The following SPTY2D1 variants were observed in gnomAD, a reference collection of about 807,000 sequenced individuals.
SPTY2D1 encodes the protein protein SPT2 homolog.
A neutral mutation model predicts 64.0 loss-of-function variants in SPTY2D1; 21 were observed. That is an observed-to-expected ratio of 0.33 (90% CI 0.23 to 0.47). The LOEUF (loss-of-function observed/expected upper bound fraction) is 0.47. Ranked by LOEUF, SPTY2D1 falls within the 20% of genes least tolerant of loss-of-function variation. The pLI is 1.00. For synonymous variants in SPTY2D1, 287 were observed against 286.8 expected (o/e 1.00, Z -0.01); for missense variants, 724 against 837.2 (o/e 0.86, Z 1.67).
In SPTY2D1 at chr11:18,615,217, G is replaced by A. The variant is rs1854276172; in HGVS notation, c.1057C>T (p.Pro353Ser). 7 of 1,614,238 alleles carry A rather than the reference G, an allele frequency of 4.3e-6. No individual in the cohort carries two copies. The East Asian group carries it at 6.7e-5, about 15-fold the overall frequency. Reference sequence around the variant, plus strand: ...TTGTGTGGGGTGACCATGGGCCCAGGCCTGGAATGGCTAGGATGGGACAGA... The same window carrying A: ...TTGTGTGGGGTGACCATGGGCCCAGACCTGGAATGGCTAGGATGGGACAGA... The part of the protein sequence containing the change: ...KSLSHPSHSR[P>S]GPMVTPHNKA... The change falls in exon 3 of 6, where the codon CCT becomes TCT. Residue 353 changes from proline (P) to serine (S), a missense_variant. Pro to Ser is a moderately conservative substitution (Grantham distance 74). Around this residue, in one of 3 missense-constraint regions of SPTY2D1, gnomAD observed 426 missense variants for 431.8 expected, o/e 0.99. Transcript: ENST00000336349.
At position 18,615,179 on chromosome 11, in the gene SPTY2D1, A is replaced by G; in HGVS notation, c.1095T>C (p.Ser365=). ...TGCTGCCTGGCTGCCTGACACCTGG[A>G]CTCTTAGCCTTATTGTGTGGGGTGA... The part of the protein sequence containing the change: ...PMVTPHNKAK[S]PGVRQPGSSS... The change falls in exon 3 of 6, where the codon AGT becomes AGC. Residue 365 remains serine, a synonymous_variant. Transcript: ENST00000336349. 1 of 1,614,092 alleles carries G rather than the reference A, an allele frequency of 6.2e-7. No individual in the cohort carries two copies. Among genetic ancestry groups the G allele is most frequent in the Non-Finnish European group, 8.5e-7 (1 of 1,180,018 alleles).
Position 18,615,494 on chromosome 11 carries a change from A to G in SPTY2D1, c.780T>C (p.His260=). 1 of 1,614,240 alleles carries G rather than the reference A, an allele frequency of 6.2e-7. No individual in the cohort carries two copies. The highest frequency in any genetic ancestry group is 8.5e-7 in the Non-Finnish European group (1 of 1,180,056). The change falls in exon 3 of 6, where the codon CAT becomes CAC. Residue 260 remains histidine, a synonymous_variant. Transcript: ENST00000336349. ...HPSSKGMPLP[H]AEKKSRPSMA... ...TGCTGGGTCTTGATTTCTTCTCAGC[A>G]TGAGGAAGGGGCATTCCTTTGGAAG...
At chr11:18,610,957 T>C (rs972936894) in intron 5 of SPTY2D1, among the ~76,000 whole-genome samples, 1 of 152,182 alleles carries the variant, frequency 6.6e-6, no homozygotes, top group Admixed American at 6.5e-5. Context: ...CACGTCTTAA[T>C]CCTCATTATA....
chr11:18,615,485 C>T lies in SPTY2D1; in HGVS notation c.789G>A (p.Lys263=). 1 of 1,614,214 alleles carries T rather than the reference C, an allele frequency of 6.2e-7. No individual in the cohort carries two copies. Among genetic ancestry groups the T allele is most frequent in the Non-Finnish European group, 8.5e-7 (1 of 1,180,046 alleles). ...SKGMPLPHAE[K]KSRPSMANEK... ...CATTGGCCATGCTGGGTCTTGATTT[C>T]TTCTCAGCATGAGGAAGGGGCATTC... is the stretch of plus-strand genomic sequence containing the variant. The change falls in exon 3 of 6, where the codon AAG becomes AAA. Residue 263 remains lysine, a synonymous_variant. Coordinates refer to ENST00000336349, the MANE Select transcript of SPTY2D1 (RefSeq NM_194285.3).
chr11:18,629,715 T>C (rs1159725109), intron 1 of SPTY2D1, among the ~76,000 whole-genome samples: 1 of 152,216 alleles, frequency 6.6e-6, no homozygotes, highest in African/African-American at 2.4e-5. Flanking sequence ...TTATTATATA[T>C]TCAGTTTTCC....
chr11:18,619,525 G>A (rs896337648), intron 1 of SPTY2D1, among the ~76,000 whole-genome samples: 3 of 151,562 alleles, frequency 2.0e-5, no homozygotes, highest in South Asian at 2.1e-4. Flanking sequence ...TTGGGAGGCT[G>A]AGGCAGGCGG....
Position 18,612,468 on chromosome 11 carries a change from G to T in SPTY2D1, c.1732C>A (p.Pro578Thr). Residue 578 changes from proline (P) to threonine (T), a missense_variant, in exon 4 of 6, where the codon CCT becomes ACT. Around this residue, in one of 3 missense-constraint regions of SPTY2D1, gnomAD observed 119 missense variants for 172.9 expected, o/e 0.69. Coordinates refer to ENST00000336349, the MANE Select transcript of SPTY2D1 (RefSeq NM_194285.3). This position sits in a 1 kb window ranked among gnomAD's most constrained non-coding sequence, Gnocchi z 4.6. ...TCTCGCTGCCTTTTGTAACCAGTAGGGAAGGGAAGCCTTTGAGGACCTAAG... is the reference window on the plus strand; with the variant it reads ...TCTCGCTGCCTTTTGTAACCAGTAGTGAAGGGAAGCCTTTGAGGACCTAAG... ...AAQGPQRLPF[P>T]TGYKRQREYE... The T allele has an allele frequency of 6.2e-7, 1 of 1,600,052 alleles. No homozygotes were observed. The highest frequency in any genetic ancestry group is 8.5e-7 in the Non-Finnish European group (1 of 1,174,206).
At position 18,616,900 on chromosome 11, in the gene SPTY2D1, C is replaced by A; in HGVS notation, c.150G>T (p.Arg50Ser). 2.5e-6 allele frequency: 4 copies of A among 1,614,100 alleles called. No homozygotes were observed. Among genetic ancestry groups the A allele is most frequent in the Non-Finnish European group, 3.4e-6 (4 of 1,180,012 alleles). The part of the protein sequence containing the change: ...QSAAVQAFLK[R>S]KEEELRRKAL... Reference sequence around the variant, plus strand: ...CTTTTCGTCTCAGCTCCTCTTCTTTCCTTTTAAGAAAAGCTTGTACAGCTG... The same window carrying A: ...CTTTTCGTCTCAGCTCCTCTTCTTTACTTTTAAGAAAAGCTTGTACAGCTG... Residue 50 changes from arginine to serine, a missense_variant, in exon 2 of 6, where the codon AGG (arginine) becomes AGT (serine). Arg to Ser is a moderately radical substitution (Grantham distance 110). Coordinates refer to ENST00000336349, the MANE Select transcript of SPTY2D1 (RefSeq NM_194285.3).
chr11:18,609,636 A>G lies in SPTY2D1; in HGVS notation c.*225T>C, dbSNP rs1854163989. Reference sequence around the variant, plus strand: ...CTGGCATCTGTGAACAGTTAACTTCATAAGAGCACAAGTGGGCATTATATC... The same window carrying G: ...CTGGCATCTGTGAACAGTTAACTTCGTAAGAGCACAAGTGGGCATTATATC... On this transcript the variant is annotated 3_prime_UTR_variant, in exon 6 of 6. Transcript: ENST00000336349. 9.1e-6 allele frequency: 5 copies of G among 548,224 alleles called. No homozygotes were observed. The highest frequency in any genetic ancestry group is 6.9e-5 in the South Asian group (3 of 43,540). The allele number at this position is 548,224 out of a possible 1,614,324, so 34.0% of individuals were successfully genotyped here. A position where few individuals can be genotyped will look rare whatever the true frequency, so the allele number is the denominator to read the frequency against.
chr11:18,625,782 C>T (rs1158738109), intron 1 of SPTY2D1, among the ~76,000 whole-genome samples: 4 of 150,754 alleles, frequency 2.7e-5, no homozygotes, highest in Non-Finnish European at 4.4e-5. Context: ...CTTTGTTGCC[C>T]ATGATGGTCA....
intron 4 of SPTY2D1, 65 bp from the exon 5 acceptor site, chr11:18,611,619 C>A: frequency 1.5e-6 from 2 of 1,319,484 alleles, no homozygotes; most frequent in South Asian, 2.4e-5. Flanking sequence ...ACTACGTCCT[C>A]TCATTTAAAA....
Position 18,623,798 on chromosome 11 carries a change from T to C in SPTY2D1, c.61-6809A>G, listed in dbSNP as rs191062189. Among the ~76,000 whole-genome samples the C allele has an allele frequency of 1.7e-3, 263 of 152,374 alleles. 1 individual carries two copies. The highest frequency in any genetic ancestry group is 6.1e-3 in the African/African-American group (252 of 41,592). On this transcript the variant is annotated intron_variant, in intron 1 of 5. Coordinates refer to ENST00000336349, the MANE Select transcript of SPTY2D1 (RefSeq NM_194285.3). Reference sequence around the variant, plus strand: ...ATCCTACTGGTTCCATGGAGAACACTGACAGATACAGTGGCCTTTTGTATC... The same window carrying C: ...ATCCTACTGGTTCCATGGAGAACACCGACAGATACAGTGGCCTTTTGTATC...
intron 1 of SPTY2D1, among the ~76,000 whole-genome samples, chr11:18,626,343 A>G (rs1048597812): frequency 6.6e-6 from 1 of 152,088 alleles, no homozygotes; most frequent in Non-Finnish European, 1.5e-5. Flanking sequence ...TCAGTTTCCA[A>G]ATGATTTTGG....
At chr11:18,614,461 A>T in intron 3 of SPTY2D1, 102 bp downstream of exon 3, 1 of 1,112,374 alleles carries the variant, frequency 9.0e-7, no homozygotes, top group South Asian at 1.5e-5. Context: ...AGCACATTAA[A>T]GGACAGCACA....
chr11:18,617,867 A>T lies in SPTY2D1; in HGVS notation c.61-878T>A, dbSNP rs149734570. ...TGAGGCAGGAGAATGGCTTGAACCC[A>T]GGAGGCAGAGGTTGCAGTGAGCCGA... On this transcript the variant is annotated intron_variant, in intron 1 of 5. Coordinates refer to ENST00000336349, the MANE Select transcript of SPTY2D1 (RefSeq NM_194285.3). Among the ~76,000 whole-genome samples, 343 of 148,318 alleles carry T rather than the reference A, an allele frequency of 2.3e-3. 1 individual carries two copies. Among genetic ancestry groups the T allele is most frequent in the African/African-American group, 8.2e-3 (327 of 40,060 alleles).
At position 18,609,966 on chromosome 11, in the gene SPTY2D1, T is replaced by C; in HGVS notation, c.1965-12A>G. 6.2e-7 allele frequency: 1 copy of C among 1,610,484 alleles called. No individual in the cohort carries two copies. The highest frequency in any genetic ancestry group is 8.5e-7 in the Non-Finnish European group (1 of 1,177,878). ...TACCCAGTCTTAAGCTGCCAAAGAA[T>C]TTTTAAAGGGTATTTGTCAATATAC... On this transcript the variant is annotated splice_polypyrimidine_tract_variant and intron_variant, in intron 5 of 5. Transcript: ENST00000336349.
At chr11:18,616,424 T>C (rs1310963439) in intron 2 of SPTY2D1, among the ~76,000 whole-genome samples, 3 of 152,216 alleles carry the variant, frequency 2.0e-5, no homozygotes, top group Non-Finnish European at 4.4e-5. Flanking sequence ...CTTAAACATA[T>C]TGAATCAGTT....
chr11:18,633,779 A>G (rs996391639), intron 1 of SPTY2D1, among the ~76,000 whole-genome samples: 5 of 152,318 alleles, frequency 3.3e-5, no homozygotes, highest in African/African-American at 1.2e-4. Context: ...AGCCAGCCAA[A>G]AAGCTATCAA....
At chr11:18,611,775 T>G (rs1207968506) in intron 4 of SPTY2D1, among the ~76,000 whole-genome samples, 1 of 152,190 alleles carries the variant, frequency 6.6e-6, no homozygotes. Flanking sequence ...AGGGCAACTA[T>G]TCTGAAGCTA....
Sources: allele counts gnomAD v4.1 joint callset (sites outside exome capture counted in the v4.1 genomes callset), GRCh38; gene constraint gnomAD v4.1.1; regional missense constraint gnomAD v4.1.1; non-coding constraint Gnocchi (gnomAD v3.1); transcripts MANE v1.5; gene names NCBI Gene and HGNC (gene_info 2026-07-23, HGNC 2026-07-21).